The following CATSPER3 variants were observed in gnomAD, a reference collection of about 807,000 sequenced individuals.
CATSPER3 encodes the protein cation channel sperm-associated protein 3.
CATSPER3 carries 23 observed loss-of-function variants against 36.6 expected under a neutral mutation model. That is an observed-to-expected ratio of 0.63 (90% confidence interval 0.45 to 0.89). The LOEUF (loss-of-function observed/expected upper bound fraction) is 0.89, where lower values mean the gene tolerates loss of function less well. CATSPER3 is among the 40% of genes least tolerant of loss of function. CATSPER3 has a pLI of 0.00. For missense variants in CATSPER3, 474 were observed against 503.9 expected (o/e 0.94, Z 0.57); for synonymous variants, 172 against 184.1 (o/e 0.93, Z 0.53).
intron 2 of CATSPER3, among the ~76,000 whole-genome samples, chr5:134,974,117 C>T (rs772929076): frequency 2.3e-4 from 35 of 152,032 alleles, no homozygotes; most frequent in Admixed American, 4.6e-4. Context: ...AATTATGTGC[C>T]GTCTATAAAA....
intron 2 of CATSPER3, among the ~76,000 whole-genome samples, chr5:134,970,319 G>A (rs569531977): frequency 1.2e-3 from 176 of 152,084 alleles, no homozygotes; most frequent in African/African-American, 3.3e-3. Flanking sequence ...CCGCCACCAC[G>A]CCCAGCTAAT....
chr5:134,995,767 A>C (rs1580910696), intron 2 of CATSPER3: 1 of 205,678 alleles, frequency 4.9e-6, no homozygotes, highest in East Asian at 1.1e-4. Context: ...AAACAAAGCC[A>C]TTAGAGTTGT....
At chr5:135,006,355 C>G (rs543044411) in intron 3 of CATSPER3, among the ~76,000 whole-genome samples, 10 of 152,290 alleles carry the variant, frequency 6.6e-5, no homozygotes, top group African/African-American at 9.6e-5. Context: ...GGAGGCCCAA[C>G]CAGGCCTCTC....
intron 2 of CATSPER3, among the ~76,000 whole-genome samples, chr5:134,991,667 A>T (rs1482893710): frequency 1.3e-5 from 2 of 152,234 alleles, no homozygotes; most frequent in Non-Finnish European, 2.9e-5. Flanking sequence ...CAACAACCTA[A>T]ATATAAGAAC....
At chr5:134,981,067 T>C (rs1751744762) in intron 2 of CATSPER3, among the ~76,000 whole-genome samples, 1 of 152,132 alleles carries the variant, frequency 6.6e-6, no homozygotes, top group African/African-American at 2.4e-5. Flanking sequence ...TTATTTTTCC[T>C]TTTTCTTTCT....
At chr5:134,971,439 A>AT (rs1751605574) in intron 2 of CATSPER3, among the ~76,000 whole-genome samples, 1 of 152,096 alleles carries the variant, frequency 6.6e-6, no homozygotes, top group Admixed American at 6.6e-5. Flanking sequence ...AACCAAAAAA[A>AT]CCAGAGCAAC....
chr5:135,009,813 A>G lies in CATSPER3; in HGVS notation c.936+323A>G, dbSNP rs967180065. Among the ~76,000 whole-genome samples, 50 of 152,320 alleles carry G rather than the reference A, an allele frequency of 3.3e-4. 1 individual carries two copies. The highest frequency in any genetic ancestry group is 3.9e-4 in the East Asian group (2 of 5,174). On this transcript the variant is annotated intron_variant, in intron 6 of 7. Coordinates refer to ENST00000282611, the MANE Select transcript of CATSPER3 (RefSeq NM_178019.3). ...TCTTCTTGGGGACTCACTGGATGCCAGGCAGCCATGGCCCCAGGCCACTGA... is the reference window on the plus strand; with the variant it reads ...TCTTCTTGGGGACTCACTGGATGCCGGGCAGCCATGGCCCCAGGCCACTGA...
intron 3 of CATSPER3, among the ~76,000 whole-genome samples, chr5:135,000,729 G>T (rs990133399): frequency 2.0e-5 from 3 of 152,004 alleles, no homozygotes; most frequent in African/African-American, 4.8e-5. Context: ...TAGTATTATC[G>T]GATGGTAGTT....
intron 2 of CATSPER3, among the ~76,000 whole-genome samples, chr5:134,991,930 T>C (rs1751883564): frequency 6.6e-6 from 1 of 152,086 alleles, no homozygotes; most frequent in Non-Finnish European, 1.5e-5. Flanking sequence ...CAGTTTGAGT[T>C]TGGACCAACC....
intron 5 of CATSPER3, 81 bp from the exon 6 acceptor site, chr5:135,009,290 T>C: frequency 1.4e-6 from 2 of 1,457,014 alleles, no homozygotes; most frequent in Non-Finnish European, 1.9e-6. Context: ...TGAGCAGCGG[T>C]GCAAGACTGG....
chr5:134,986,364 G>A lies in CATSPER3; in HGVS notation c.253-9909G>A, dbSNP rs373093931. Among the ~76,000 whole-genome samples the A allele has an allele frequency of 2.6e-5, 4 of 151,008 alleles. No individual in the cohort carries two copies. In the East Asian group the frequency reaches 5.8e-4, roughly 22 times the overall value. On this transcript the variant is annotated intron_variant, in intron 2 of 7. Coordinates refer to ENST00000282611, the MANE Select transcript of CATSPER3 (RefSeq NM_178019.3). ...TCTCCATGTTGGTCAGGCTGGTCTC[G>A]AACTCCTGACCTCAGGTGATCCACT...
chr5:134,981,240 C>T (rs181237676), intron 2 of CATSPER3, among the ~76,000 whole-genome samples: 3 of 152,048 alleles, frequency 2.0e-5, no homozygotes, highest in Non-Finnish European at 4.4e-5. Flanking sequence ...TCTGTAGTCA[C>T]AGCACTTTGG....
chr5:134,975,728 C>T (rs1751665474), intron 2 of CATSPER3, among the ~76,000 whole-genome samples: 1 of 152,144 alleles, frequency 6.6e-6, no homozygotes, highest in African/African-American at 2.4e-5. Context: ...GGAGGTTCCT[C>T]AGAAAATTAG....
In CATSPER3 at chr5:134,992,067, A is replaced by G. The variant is rs935064077; in HGVS notation, c.253-4206A>G. On this transcript the variant is annotated intron_variant, in intron 2 of 7. Coordinates refer to ENST00000282611, the MANE Select transcript of CATSPER3 (RefSeq NM_178019.3). The stretch of plus-strand genomic sequence containing the variant: ...AGCCTGGGAGGTTGAGGCTGCAGTG[A>G]GCCATGGTCATGCCACTACACTCCA... Among the ~76,000 whole-genome samples, 3 of 152,074 alleles carry G rather than the reference A, an allele frequency of 2.0e-5. No homozygotes were observed. The East Asian group carries it at 5.8e-4, about 29-fold the overall frequency.
intron 2 of CATSPER3, among the ~76,000 whole-genome samples, chr5:134,992,481 T>TC (rs1580909339): frequency 6.6e-6 from 1 of 152,048 alleles, no homozygotes; most frequent in African/African-American, 2.4e-5. Context: ...TCCTAGCACT[T>TC]TGGAAGGCCG....
At chr5:134,984,755 G>A (rs1708216829) in intron 2 of CATSPER3, among the ~76,000 whole-genome samples, 1 of 151,016 alleles carries the variant, frequency 6.6e-6, no homozygotes, top group African/African-American at 2.4e-5. Flanking sequence ...ATTCAATCCA[G>A]CAATCCCACT....
intron 3 of CATSPER3, among the ~76,000 whole-genome samples, chr5:135,004,160 G>T (rs1273752693): frequency 1.3e-5 from 2 of 152,218 alleles, no homozygotes; most frequent in Non-Finnish European, 2.9e-5. Context: ...TCATAAATTT[G>T]ACTGTCAGCT....
chr5:134,988,016 C>A (rs1413817209), intron 2 of CATSPER3, among the ~76,000 whole-genome samples: 1 of 152,092 alleles, frequency 6.6e-6, no homozygotes, highest in Non-Finnish European at 1.5e-5. Flanking sequence ...ATGGATATGC[C>A]TCAGATATTG....
At chr5:134,997,758 C>G (rs914081495) in intron 3 of CATSPER3, among the ~76,000 whole-genome samples, 1 of 152,180 alleles carries the variant, frequency 6.6e-6, no homozygotes, top group African/African-American at 2.4e-5. Flanking sequence ...TTCCAGGACC[C>G]TCCACCTGCC....
Sources: gnomAD v4.1 joint callset for allele counts (sites outside exome capture counted in the v4.1 genomes callset) on GRCh38, gnomAD v4.1.1 for gene constraint, MANE v1.5 for transcripts, NCBI Gene and HGNC (gene_info 2026-07-23, HGNC 2026-07-21) for gene names.